SPAG16: variants seen among roughly 807,000 people sequenced by gnomAD.
SPAG16 encodes the protein sperm-associated antigen 16 protein.
Under a neutral mutation model 80.4 loss-of-function variants are expected in SPAG16, and 86 were observed. That is an observed-to-expected ratio of 1.07 (90% CI 0.90 to 1.28). SPAG16 has a LOEUF of 1.28. Ranked by LOEUF, SPAG16 falls within the 50% of genes most tolerant of loss-of-function variation. SPAG16 has a pLI of 0.00. For missense variants in SPAG16, 870 were observed against 765.3 expected, an observed-to-expected ratio of 1.14 and a Z score of -1.61; for synonymous variants, 294 against 265.9, an observed-to-expected ratio of 1.11 and a Z score of -1.03.
At chr2:213,967,448 T>C (rs547894332) in intron 12 of SPAG16, among the ~76,000 whole-genome samples, 1 of 152,206 alleles carries the variant, frequency 6.6e-6, no homozygotes, top group East Asian at 1.9e-4. Context: ...CATGTTTAAC[T>C]CACAAATGAA....
chr2:213,754,218 T>G (rs1224354815), intron 10 of SPAG16, among the ~76,000 whole-genome samples: 1 of 152,156 alleles, frequency 6.6e-6, no homozygotes, highest in African/African-American at 2.4e-5. Flanking sequence ...ATACTAAGTT[T>G]AGAACAGAAA....
chr2:213,859,178 CAAAAAAAAAAAAAAAAAA>C (rs1165853142), intron 10 of SPAG16, among the ~76,000 whole-genome samples: 15 of 9,378 alleles, frequency 1.6e-3, no homozygotes, highest in African/African-American at 6.4e-3. Context: ...CACTCCGTCT[CAAAAAAAAAAAAAAAAAA>C]AAAAAAAAAA....
At chr2:213,907,220 A>G (rs1234715432) in intron 11 of SPAG16, among the ~76,000 whole-genome samples, 1 of 152,204 alleles carries the variant, frequency 6.6e-6, no homozygotes, top group Non-Finnish European at 1.5e-5. Context: ...GTGGGCAAAG[A>G]TATAAATAGA....
At chr2:214,004,669 TG>T in intron 12 of SPAG16, among the ~76,000 whole-genome samples, 1 of 152,126 alleles carries the variant, frequency 6.6e-6, no homozygotes, top group Middle Eastern at 3.4e-3. Context: ...TCAATTCTTT[TG>T]GCAGCCATGA....
chr2:214,327,497 C>A (rs1421106173), intron 15 of SPAG16, among the ~76,000 whole-genome samples: 1 of 152,204 alleles, frequency 6.6e-6, no homozygotes, highest in African/African-American at 2.4e-5. Context: ...TATCTAGCAA[C>A]AAGCACACAG....
At chr2:214,382,758 A>G (rs1700522319) in intron 15 of SPAG16, among the ~76,000 whole-genome samples, 1 of 152,234 alleles carries the variant, frequency 6.6e-6, no homozygotes, top group South Asian at 2.1e-4. Context: ...ATTGTTCAAT[A>G]TGCAGCCAGA....
chr2:214,147,732 T>G (rs2055733153), intron 14 of SPAG16, among the ~76,000 whole-genome samples: 1 of 152,200 alleles, frequency 6.6e-6, no homozygotes, highest in Non-Finnish European at 1.5e-5. Context: ...ATAAAAAAGA[T>G]TAAGCATCTC....
intron 10 of SPAG16, among the ~76,000 whole-genome samples, chr2:213,728,293 T>TA (rs2066865615): frequency 6.6e-6 from 1 of 152,202 alleles, no homozygotes; most frequent in Non-Finnish European, 1.5e-5. Flanking sequence ...GTGGCTTCCT[T>TA]AGAGTCTCAG....
chr2:214,036,178 C>A (rs1428799742), intron 13 of SPAG16, among the ~76,000 whole-genome samples: 4 of 151,954 alleles, frequency 2.6e-5, no homozygotes, highest in Non-Finnish European at 5.9e-5. Context: ...TTCTTATTGT[C>A]ATTATTTATT....
At chr2:213,907,859 T>C (rs1438286180) in intron 11 of SPAG16, among the ~76,000 whole-genome samples, 1 of 152,122 alleles carries the variant, frequency 6.6e-6, no homozygotes, top group East Asian at 1.9e-4. Context: ...ATTATGGTTA[T>C]TACAGGCTGA....
At chr2:213,935,749 G>A (rs927312450) in intron 12 of SPAG16, among the ~76,000 whole-genome samples, 12 of 152,154 alleles carry the variant, frequency 7.9e-5, no homozygotes, top group African/African-American at 2.9e-4. Flanking sequence ...TAGTTAAGCT[G>A]ATGGAATAAA....
In SPAG16 at chr2:213,759,122, A is replaced by G. The variant is rs186047816; in HGVS notation, c.1071-103363A>G. On this transcript the variant is annotated intron_variant, in intron 10 of 15. Transcript: ENST00000331683. The stretch of plus-strand genomic sequence containing the variant: ...AAATTAAGACATCCCCAGGAAAACA[A>G]CAGTTGGGAGAGCTTGTTACCATTG... Among the ~76,000 whole-genome samples, 297 of 152,258 alleles carry G rather than the reference A, an allele frequency of 2.0e-3. 4 individuals are homozygous for G. The highest frequency in any genetic ancestry group is 7.3e-3 in the South Asian group (35 of 4,826).
intron 10 of SPAG16, among the ~76,000 whole-genome samples, chr2:213,595,913 G>A (rs2124946757): frequency 6.6e-6 from 1 of 152,072 alleles, no homozygotes; most frequent in Admixed American, 6.5e-5. Context: ...AATGTACTTT[G>A]ATCACCATTG....
intron 9 of SPAG16, among the ~76,000 whole-genome samples, chr2:213,461,359 T>G (rs1263423029): frequency 6.6e-6 from 1 of 152,234 alleles, no homozygotes; most frequent in Non-Finnish European, 1.5e-5. Context: ...TCCCTATGGA[T>G]GATCTTATAG....
intron 10 of SPAG16, among the ~76,000 whole-genome samples, chr2:213,572,671 G>A (rs1362957649): frequency 6.6e-6 from 1 of 152,064 alleles, no homozygotes; most frequent in Non-Finnish European, 1.5e-5. Flanking sequence ...TAAGTCTGCA[G>A]AGGTTACTGC....
intron 10 of SPAG16, among the ~76,000 whole-genome samples, chr2:213,502,753 A>G (rs929606364): frequency 6.6e-6 from 1 of 152,236 alleles, no homozygotes; most frequent in African/African-American, 2.4e-5. Flanking sequence ...TCCATTTTAC[A>G]GAGGAGTATA....
At chr2:213,683,707 G>C (rs1467004888) in intron 10 of SPAG16, among the ~76,000 whole-genome samples, 4 of 151,852 alleles carry the variant, frequency 2.6e-5, no homozygotes, top group African/African-American at 4.8e-5. Flanking sequence ...CTCACCTATA[G>C]AGTCTATTGC....
At chr2:213,348,121 C>G (rs1010075352) in intron 6 of SPAG16, among the ~76,000 whole-genome samples, 1 of 152,080 alleles carries the variant, frequency 6.6e-6, no homozygotes, top group African/African-American at 2.4e-5. Flanking sequence ...CAAATTGATC[C>G]CTTTACCATT....
chr2:213,767,673 A>ACACACACACACG (rs780419673), intron 10 of SPAG16, among the ~76,000 whole-genome samples: 464 of 151,760 alleles, frequency 3.1e-3, no homozygotes, highest in Non-Finnish European at 4.7e-3. Context: ...ACACACACAC[A>ACACACACACACG]CACACAAAAT....
Sources: gnomAD v4.1 joint callset for allele counts (sites outside exome capture counted in the v4.1 genomes callset) on GRCh38, gnomAD v4.1.1 for gene constraint, MANE v1.5 for transcripts, NCBI Gene and HGNC (gene_info 2026-07-23, HGNC 2026-07-21) for gene names.